The following LRP1B variants were observed in gnomAD, a reference collection of about 807,000 sequenced individuals.
LRP1B encodes low-density lipoprotein receptor-related protein 1B.
Under a neutral mutation model 556.6 loss-of-function variants are expected in LRP1B, and 217 were observed. That is an observed-to-expected ratio of 0.39 (90% confidence interval 0.35 to 0.44). The LOEUF is 0.44. LRP1B is among the 20% of genes least tolerant of loss of function. LRP1B has a pLI of 1.00. For synonymous variants in LRP1B, 2,047 were observed against 1,865.8 expected (o/e 1.10, Z -2.50); for missense variants, 5,053 against 5,620.8 (o/e 0.90, Z 3.23).
intron 11 of LRP1B, among the ~76,000 whole-genome samples, chr2:141,023,341 T>G (rs11691142): frequency 0.6 from 91,628 of 151,460 alleles, 27,946 homozygotes; most frequent in Admixed American, 0.67. Context: ...AAATTCCTGA[T>G]GTTAACAATA....
At chr2:141,525,847 T>C (rs1306399452) in intron 2 of LRP1B, among the ~76,000 whole-genome samples, 1 of 152,046 alleles carries the variant, frequency 6.6e-6, no homozygotes, top group Non-Finnish European at 1.5e-5. Context: ...TATAACTATG[T>C]CTCATATAAG....
In LRP1B at chr2:141,417,758, A is replaced by ATTTTT. The variant is rs56660575; in HGVS notation, c.343+62633_343+62637dup. Among the ~76,000 whole-genome samples the ATTTTT allele has an allele frequency of 7.3e-5, 10 of 136,358 alleles. 2 individuals carry two copies. The highest frequency in any genetic ancestry group is 9.6e-5 in the Non-Finnish European group (6 of 62,696). The allele number at this position is 136,358 out of a possible 152,430, so 89.5% of individuals were successfully genotyped here. A position where few individuals can be genotyped will look rare whatever the true frequency, so the allele number is the denominator to read the frequency against. ...TATTGCTGCATCATATGGTAGTTCT[A>ATTTTT]TTTTTTTTTTTTTTTTTTTACAAAT... On this transcript the variant is annotated intron_variant, in intron 3 of 90. Coordinates refer to ENST00000389484, the MANE Select transcript of LRP1B (RefSeq NM_018557.3).
chr2:141,279,035 C>G (rs1391535243), intron 3 of LRP1B, among the ~76,000 whole-genome samples: 2 of 152,022 alleles, frequency 1.3e-5, no homozygotes, highest in East Asian at 3.9e-4. Context: ...ATAAATTATT[C>G]AAGGATTATC....
intron 1 of LRP1B, among the ~76,000 whole-genome samples, chr2:141,894,166 C>T (rs1699368312): frequency 6.6e-6 from 1 of 152,052 alleles, no homozygotes; most frequent in Non-Finnish European, 1.5e-5. Context: ...ATTAAAGAAG[C>T]CCATGTGATT....
chr2:140,517,726 G>A (rs374140359), intron 49 of LRP1B, among the ~76,000 whole-genome samples: 2 of 39,754 alleles, frequency 5.0e-5, no homozygotes, highest in African/African-American at 1.9e-4. Flanking sequence ...TTTTTTTTTT[G>A]TTGAGATGGA....
At chr2:142,040,151 A>C (rs1430373823) in intron 1 of LRP1B, among the ~76,000 whole-genome samples, 1 of 151,446 alleles carries the variant, frequency 6.6e-6, no homozygotes, top group Non-Finnish European at 1.5e-5. Context: ...ACTTGTCTAT[A>C]TGTTTGGTGA....
intron 2 of LRP1B, among the ~76,000 whole-genome samples, chr2:141,684,884 C>T (rs898489112): frequency 1.3e-5 from 2 of 151,938 alleles, no homozygotes; most frequent in Non-Finnish European, 2.9e-5. Flanking sequence ...CAAAATTATA[C>T]AGGGATGGAA....
intron 2 of LRP1B, among the ~76,000 whole-genome samples, chr2:141,605,478 G>A (rs1450939309): frequency 6.6e-6 from 1 of 151,992 alleles, no homozygotes. Context: ...ATATTCTCAG[G>A]TTTATGGGAT....
chr2:140,877,643 A>G (rs2105175464), intron 25 of LRP1B, among the ~76,000 whole-genome samples: 1 of 152,304 alleles, frequency 6.6e-6, no homozygotes, highest in South Asian at 2.1e-4. Context: ...CCTTCTTTAC[A>G]GAGGCTAATC....
chr2:140,514,808 T>G, intron 50 of LRP1B, 36 bp from the exon 51 acceptor site: 1 of 1,590,788 alleles, frequency 6.3e-7, no homozygotes, highest in Non-Finnish European at 8.6e-7. Flanking sequence ...AAAAATAGTT[T>G]GAGACCGTCT....
At chr2:141,601,899 G>A (rs1056482691) in intron 2 of LRP1B, among the ~76,000 whole-genome samples, 3 of 152,134 alleles carry the variant, frequency 2.0e-5, no homozygotes, top group Non-Finnish European at 4.4e-5. Context: ...ACCGCGTCCG[G>A]CCTTAGCATT....
At chr2:140,432,205 C>T (rs1214091432) in intron 66 of LRP1B, among the ~76,000 whole-genome samples, 1 of 152,144 alleles carries the variant, frequency 6.6e-6, no homozygotes, top group Admixed American at 6.5e-5. Flanking sequence ...CTTGTGACCC[C>T]CACATCTGCC....
Position 141,557,996 on chromosome 2 carries a change from G to A in LRP1B, c.206-77463C>T, listed in dbSNP as rs115158974. Among the ~76,000 whole-genome samples the A allele has an allele frequency of 2.2e-3, 333 of 151,962 alleles. 2 individuals are homozygous for A. Among genetic ancestry groups the A allele is most frequent in the African/African-American group, 7.2e-3 (300 of 41,494 alleles). The stretch of plus-strand genomic sequence containing the variant: ...AAAAAATGCTCTCTGCCCATGGCCT[G>A]CAACCTAAATTACCCAGGAATCTGG... On this transcript the variant is annotated intron_variant, in intron 2 of 90. Transcript: ENST00000389484.
chr2:141,258,931 C>T (rs1175717625), intron 3 of LRP1B, among the ~76,000 whole-genome samples: 1 of 152,050 alleles, frequency 6.6e-6, no homozygotes, highest in East Asian at 1.9e-4. Flanking sequence ...TATAAATTAC[C>T]CAGTCTCAGG....
chr2:140,627,031 T>C (rs1476441606), intron 41 of LRP1B, among the ~76,000 whole-genome samples: 1 of 152,180 alleles, frequency 6.6e-6, no homozygotes, highest in Admixed American at 6.5e-5. Context: ...AGAAGTACTT[T>C]TAGCCTAGAG....
intron 1 of LRP1B, among the ~76,000 whole-genome samples, chr2:141,878,854 G>A (rs751378222): frequency 6.6e-6 from 1 of 151,778 alleles, no homozygotes; most frequent in African/African-American, 2.4e-5. Flanking sequence ...ATCACTCCTT[G>A]AAGGGTTATT....
chr2:140,641,590 C>T (rs754417173), intron 41 of LRP1B, among the ~76,000 whole-genome samples: 1 of 152,172 alleles, frequency 6.6e-6, no homozygotes, highest in African/African-American at 2.4e-5. Context: ...CACTGTGTCC[C>T]GTGTTTTACT....
intron 81 of LRP1B, among the ~76,000 whole-genome samples, chr2:140,322,805 A>C (rs1048545055): frequency 6.6e-6 from 1 of 151,984 alleles, no homozygotes; most frequent in Non-Finnish European, 1.5e-5. Context: ...GCTGGTGACT[A>C]TGAGAGTGGC....
At chr2:141,930,625 A>G (rs2104993681) in intron 1 of LRP1B, among the ~76,000 whole-genome samples, 1 of 152,162 alleles carries the variant, frequency 6.6e-6, no homozygotes, top group Admixed American at 6.6e-5. Flanking sequence ...AGAAGGGATA[A>G]GTGGTTAATT....
Sources: allele counts gnomAD v4.1 joint callset (sites outside exome capture counted in the v4.1 genomes callset), GRCh38; gene constraint gnomAD v4.1.1; transcripts MANE v1.5; gene names NCBI Gene and HGNC (gene_info 2026-07-23, HGNC 2026-07-21).